The following NHEJ1 variants were observed in gnomAD, a reference collection of about 807,000 sequenced individuals.
NHEJ1 encodes the protein non-homologous end joining factor 1.
A neutral mutation model predicts 39.4 loss-of-function variants in NHEJ1; 22 were observed. That is an observed-to-expected ratio of 0.56 (90% CI 0.40 to 0.80). The LOEUF is 0.80. Among genes scored for constraint, NHEJ1 ranks in the 30% least tolerant of loss-of-function variants. The pLI is 0.00. For missense variants in NHEJ1, 329 were observed against 357.1 expected, an observed-to-expected ratio of 0.92 and a Z score of 0.63; for synonymous variants, 154 against 135.6, an observed-to-expected ratio of 1.14 and a Z score of -0.94.
intron 5 of NHEJ1, among the ~76,000 whole-genome samples, chr2:219,132,486 T>G (rs1262749151): frequency 1.3e-5 from 2 of 152,214 alleles, no homozygotes; most frequent in African/African-American, 4.8e-5. Context: ...ATTGTTAGCT[T>G]TACCCATATC....
At chr2:219,159,546 T>TGC (rs773835541) in intron 1 of NHEJ1, among the ~76,000 whole-genome samples, 5,123 of 26,384 alleles carry the variant, frequency 0.19, 577 homozygotes, top group Non-Finnish European at 0.38. Flanking sequence ...TGCATATATA[T>TGC]ATATGCATAT....
intron 5 of NHEJ1, among the ~76,000 whole-genome samples, chr2:219,092,287 C>T (rs977969042): frequency 6.8e-6 from 1 of 148,020 alleles, no homozygotes; most frequent in African/African-American, 2.6e-5. Flanking sequence ...GAGTGAGACA[C>T]TGCCTCAAAA....
intron 5 of NHEJ1, among the ~76,000 whole-genome samples, chr2:219,109,953 A>G (rs902885545): frequency 1.3e-5 from 2 of 152,172 alleles, no homozygotes; most frequent in Non-Finnish European, 2.9e-5. Context: ...TTTTTTGGTA[A>G]GGGTATGAAT....
intron 3 of NHEJ1, among the ~76,000 whole-genome samples, chr2:219,156,690 T>C (rs1949858176): frequency 6.6e-6 from 1 of 152,232 alleles, no homozygotes; most frequent in Non-Finnish European, 1.5e-5. Context: ...TATTCTACTC[T>C]GAAAAACAAG....
At chr2:219,085,157 T>A (rs992232265) in intron 5 of NHEJ1, among the ~76,000 whole-genome samples, 15 of 152,246 alleles carry the variant, frequency 9.9e-5, no homozygotes, top group African/African-American at 3.4e-4. Context: ...TTTGATGGGA[T>A]TAATTTCACA....
intron 5 of NHEJ1, among the ~76,000 whole-genome samples, chr2:219,110,628 G>A (rs1949357429): frequency 6.6e-6 from 1 of 151,886 alleles, no homozygotes; most frequent in Non-Finnish European, 1.5e-5. Context: ...TGGGGGTGGA[G>A]GTGGGGCTGA....
intron 5 of NHEJ1, among the ~76,000 whole-genome samples, chr2:219,123,762 C>T (rs935391076): frequency 2.0e-5 from 3 of 152,026 alleles, no homozygotes; most frequent in South Asian, 2.1e-4. Context: ...AAAGCTGATC[C>T]GACCCCCTTT....
At chr2:219,122,486 A>G (rs775255378) in intron 5 of NHEJ1, among the ~76,000 whole-genome samples, 13 of 152,208 alleles carry the variant, frequency 8.5e-5, no homozygotes, top group Admixed American at 4.6e-4. Context: ...TATCCCCCAT[A>G]GTACTGGTAC....
chr2:219,155,698 G>C lies in NHEJ1; in HGVS notation c.390+1774C>G, dbSNP rs139753928. On this transcript the variant is annotated intron_variant, in intron 3 of 7. Transcript: ENST00000356853. ...AGCACTTTGGGAGGCCGAGGTGAGC[G>C]GATCACGAGGTCAGGAAATCGAGAC... Among the ~76,000 whole-genome samples the C allele has an allele frequency of 3.0e-4, 46 of 152,072 alleles. No homozygotes were observed. In the East Asian group the frequency reaches 8.9e-3, roughly 29 times the overall value.
rs757127387 is a variant in NHEJ1 at position 219,075,387 on chromosome 2, G to A, written c.*994C>T. 2.6e-5 allele frequency: 4 copies of A among 152,090 alleles called. No homozygotes were observed. The highest frequency in any genetic ancestry group is 4.8e-5 in the African/African-American group (2 of 41,418). The allele number at this position is 152,090 out of a possible 1,614,324, so 9.4% of individuals were successfully genotyped here. ...CATCTTCTCTCGAGACTTGACATCAGGACAGAAACGCCAGTATATATACAG... is the reference window on the plus strand; with the variant it reads ...CATCTTCTCTCGAGACTTGACATCAAGACAGAAACGCCAGTATATATACAG... On this transcript the variant is annotated 3_prime_UTR_variant, in exon 8 of 8. Coordinates refer to ENST00000356853, the MANE Select transcript of NHEJ1 (RefSeq NM_024782.3).
At chr2:219,143,951 A>G (rs1021905727) in intron 5 of NHEJ1, among the ~76,000 whole-genome samples, 1 of 152,220 alleles carries the variant, frequency 6.6e-6, no homozygotes, top group African/African-American at 2.4e-5. Context: ...CTGTAATCTC[A>G]GCACTTTGAA....
chr2:219,158,780 T>A (rs73993503), intron 1 of NHEJ1: 2,758 of 222,436 alleles, frequency 0.012, 76 homozygotes, highest in African/African-American at 0.058. Context: ...GGAATAGTTC[T>A]TGTCTTATAA....
At chr2:219,144,841 T>C (rs1251384675) in intron 5 of NHEJ1, among the ~76,000 whole-genome samples, 10 of 152,188 alleles carry the variant, frequency 6.6e-5, no homozygotes, top group Admixed American at 6.5e-4. Flanking sequence ...GGGGAAGCTA[T>C]CTAAGAGAAA....
intron 5 of NHEJ1, among the ~76,000 whole-genome samples, chr2:219,101,990 C>T (rs1486829324): frequency 1.3e-5 from 2 of 152,182 alleles, no homozygotes; most frequent in Admixed American, 6.5e-5. Context: ...TCCCAAAGTG[C>T]TGGAATTACA....
intron 3 of NHEJ1, among the ~76,000 whole-genome samples, chr2:219,150,922 C>T (rs1949789079): frequency 6.6e-6 from 1 of 151,636 alleles, no homozygotes; most frequent in Non-Finnish European, 1.5e-5. Flanking sequence ...CGCCATTGCA[C>T]TCCAGCCTGG....
chr2:219,135,947 C>A (rs1169861553), intron 5 of NHEJ1, among the ~76,000 whole-genome samples: 10 of 152,150 alleles, frequency 6.6e-5, no homozygotes, highest in Non-Finnish European at 1.0e-4. Flanking sequence ...AGATATACAA[C>A]CCCCTGGAGC....
intron 5 of NHEJ1, among the ~76,000 whole-genome samples, chr2:219,143,898 T>A (rs1405686886): frequency 6.6e-6 from 1 of 152,130 alleles, no homozygotes; most frequent in Non-Finnish European, 1.5e-5. Flanking sequence ...ACCCCAAATA[T>A]AGGTCTAATA....
chr2:219,132,008 T>C (rs931146075), intron 5 of NHEJ1, among the ~76,000 whole-genome samples: 1 of 152,230 alleles, frequency 6.6e-6, no homozygotes, highest in African/African-American at 2.4e-5. Context: ...TGTTTGTCTA[T>C]GTAGAGTTAT....
intron 5 of NHEJ1, among the ~76,000 whole-genome samples, chr2:219,079,702 A>G (rs1949045401): frequency 6.6e-6 from 1 of 152,116 alleles, no homozygotes; most frequent in Non-Finnish European, 1.5e-5. Flanking sequence ...AAGGTAAACT[A>G]TCAGGCCACA....
Sources: allele counts gnomAD v4.1 joint callset (sites outside exome capture counted in the v4.1 genomes callset), GRCh38; gene constraint gnomAD v4.1.1; transcripts MANE v1.5; gene names NCBI Gene and HGNC (gene_info 2026-07-23, HGNC 2026-07-21).